Variants in JHY observed in about 807,000 individuals in gnomAD.
JHY encodes junctional cadherin complex regulator.
Under a neutral mutation model 78.0 loss-of-function variants are expected in JHY, and 69 were observed. The observed-to-expected ratio is 0.88, with a 90% CI of 0.73 to 1.08. JHY has a LOEUF of 1.08. Among genes scored for constraint, JHY ranks in the 50% least tolerant of loss-of-function variants. The pLI is 0.00. For synonymous variants in JHY, 368 were observed against 342.6 expected, an observed-to-expected ratio of 1.07 and a Z score of -0.82; for missense variants, 944 against 927.8, an observed-to-expected ratio of 1.02 and a Z score of -0.23.
chr11:122,961,042 A>T lies in JHY; in HGVS notation c.*1597A>T, dbSNP rs1268241208. 9.5e-7 allele frequency: 1 copy of T among 1,052,598 alleles called. No individual in the cohort carries two copies. Among genetic ancestry groups the T allele is most frequent in the South Asian group, 1.3e-5 (1 of 79,786 alleles). The allele number at this position is 1,052,598 out of a possible 1,614,324, so 65.2% of individuals were successfully genotyped here. A position where few individuals can be genotyped will look rare whatever the true frequency, so the allele number is the denominator to read the frequency against. ...GAGACAATTGCCAAGTGCATTTGGG[A>T]CCTAAAGCTGTTGGCAAAGAAGACT... On this transcript the variant is annotated 3_prime_UTR_variant, in exon 9 of 9. Coordinates refer to ENST00000227349, the MANE Select transcript of JHY (RefSeq NM_024806.4).
intron 3 of JHY, among the ~76,000 whole-genome samples, chr11:122,910,951 C>A (rs1226672224): frequency 6.6e-6 from 1 of 152,072 alleles, no homozygotes; most frequent in Non-Finnish European, 1.5e-5. Context: ...AGCGAGGAAC[C>A]GATGTAAAAA....
rs1426671277 is a variant in JHY, at chr11:122,904,398, A to G, written c.818A>G (p.Tyr273Cys). 6.2e-7 allele frequency: 1 copy of G among 1,614,006 alleles called. No individual in the cohort carries two copies. Among genetic ancestry groups the G allele is most frequent in the Non-Finnish European group, 8.5e-7 (1 of 1,179,904 alleles). Residue 273 changes from tyrosine to cysteine, a missense_variant, in exon 3 of 9, where the codon TAT (tyrosine) becomes TGT (cysteine). Physicochemically the swap from Tyr to Cys is radical, Grantham distance 194 (BLOSUM62 -2). Transcript: ENST00000227349. ...TTACCCACCCCGAAAACGGACTCTT[A>G]TCTTCAACTTCACAATAAAAAAAGA... is the stretch of plus-strand genomic sequence containing the variant. ...LGLPTPKTDS[Y>C]LQLHNKKRGE...
Position 122,886,083 on chromosome 11 carries a change from A to C in JHY, c.234A>C (p.Glu78Asp). The C allele has an allele frequency of 6.2e-7, 1 of 1,614,168 alleles. No individual in the cohort carries two copies. Among genetic ancestry groups the C allele is most frequent in the South Asian group, 1.1e-5 (1 of 91,078 alleles). ...GMEPDSLDEE[E>D]SPRWGSLHEM... ...AGCCCGACAGCTTAGACGAGGAGGAAAGCCCTCGATGGGGAAGCCTGCACG... is the reference window on the plus strand; with the variant it reads ...AGCCCGACAGCTTAGACGAGGAGGACAGCCCTCGATGGGGAAGCCTGCACG... The change falls in exon 2 of 9, where the codon GAA becomes GAC. Residue 78 changes from glutamate (E) to aspartate (D), a missense_variant. Glu to Asp is a conservative substitution (Grantham distance 45). Coordinates refer to ENST00000227349, the MANE Select transcript of JHY (RefSeq NM_024806.4).
intron 3 of JHY, among the ~76,000 whole-genome samples, chr11:122,916,222 G>A (rs1378308535): frequency 6.6e-6 from 1 of 152,054 alleles, no homozygotes; most frequent in African/African-American, 2.4e-5. Context: ...ATAAATACTC[G>A]AGGTGATGGA....
At chr11:122,894,885 C>T (rs557356898) in intron 2 of JHY, among the ~76,000 whole-genome samples, 2 of 152,282 alleles carry the variant, frequency 1.3e-5, no homozygotes, top group South Asian at 4.1e-4. Flanking sequence ...TTCATTAAAG[C>T]ATCCTTTTTT....
chr11:122,887,407 C>T (rs1862518378), intron 2 of JHY, among the ~76,000 whole-genome samples: 1 of 152,134 alleles, frequency 6.6e-6, no homozygotes, highest in Admixed American at 6.5e-5. Flanking sequence ...ACTGCAACCT[C>T]CACCTCCCGG....
chr11:122,907,040 A>C (rs1409004214), intron 3 of JHY, among the ~76,000 whole-genome samples: 2 of 152,054 alleles, frequency 1.3e-5, no homozygotes, highest in African/African-American at 4.8e-5. Flanking sequence ...TGTAGTTGCT[A>C]TGCAGGATTC....
intron 4 of JHY, among the ~76,000 whole-genome samples, chr11:122,928,832 T>G (rs1016130853): frequency 4.4e-4 from 67 of 152,224 alleles, no homozygotes; most frequent in African/African-American, 1.5e-3. Flanking sequence ...GTATTTTTAG[T>G]AGAGACGGGG....
intron 5 of JHY, among the ~76,000 whole-genome samples, chr11:122,945,779 G>A (rs1239587430): frequency 3.9e-5 from 6 of 152,210 alleles, no homozygotes; most frequent in African/African-American, 1.4e-4. Context: ...TTGTCCTATA[G>A]ATATTCACAA....
intron 6 of JHY, among the ~76,000 whole-genome samples, chr11:122,950,695 C>T (rs1787772834): frequency 6.6e-6 from 1 of 152,184 alleles, no homozygotes; most frequent in South Asian, 2.1e-4. Flanking sequence ...AAGAAGACAT[C>T]AACTAAATGT....
intron 4 of JHY, among the ~76,000 whole-genome samples, chr11:122,928,239 G>A (rs983801099): frequency 1.3e-5 from 2 of 152,132 alleles, no homozygotes; most frequent in African/African-American, 4.8e-5. Context: ...AGGACTGCTA[G>A]AGGCCAGGAA....
At chr11:122,890,677 CTAATA>C (rs1862595242) in intron 2 of JHY, among the ~76,000 whole-genome samples, 1 of 152,174 alleles carries the variant, frequency 6.6e-6, no homozygotes, top group African/African-American at 2.4e-5. Context: ...TAAATACAAT[CTAATA>C]TGTTTCAAAA....
At chr11:122,955,734 T>A (rs1864177634) in intron 6 of JHY, among the ~76,000 whole-genome samples, 1 of 152,156 alleles carries the variant, frequency 6.6e-6, no homozygotes, top group Non-Finnish European at 1.5e-5. Context: ...ATAAATAGAT[T>A]ATCATTGTTT....
chr11:122,936,851 A>G (rs1835815417), intron 5 of JHY, among the ~76,000 whole-genome samples: 2 of 152,218 alleles, frequency 1.3e-5, no homozygotes, highest in Admixed American at 1.3e-4. Flanking sequence ...GTGGATTATC[A>G]AGAAAATACC....
chr11:122,956,677 A>G (rs1864198867), intron 7 of JHY, 101 bp downstream of exon 7: 1 of 916,738 alleles, frequency 1.1e-6, no homozygotes, highest in African/African-American at 1.7e-5. Context: ...CCTAATTCAA[A>G]TGTCTCACTC....
chr11:122,910,329 G>A (rs1469684071), intron 3 of JHY, among the ~76,000 whole-genome samples: 1 of 152,004 alleles, frequency 6.6e-6, no homozygotes, highest in Non-Finnish European at 1.5e-5. Context: ...ACAAAAATTA[G>A]CCGGGCATCG....
chr11:122,960,002 G>A lies in JHY; in HGVS notation c.*557G>A, dbSNP rs1864278452. Among the ~76,000 whole-genome samples, 1 of 152,204 alleles carries A rather than the reference G, an allele frequency of 6.6e-6. No homozygotes were observed. The highest frequency in any genetic ancestry group is 1.5e-5 in the Non-Finnish European group (1 of 68,040). On this transcript the variant is annotated 3_prime_UTR_variant, in exon 9 of 9. Coordinates refer to ENST00000227349, the MANE Select transcript of JHY (RefSeq NM_024806.4). ...TAATCCCAGCACTTTGGGAAGCTGAGGCAGTTGAATAGCTTGAGGCCAGGA... is the reference window on the plus strand; with the variant it reads ...TAATCCCAGCACTTTGGGAAGCTGAAGCAGTTGAATAGCTTGAGGCCAGGA...
At chr11:122,955,614 T>C (rs1400357004) in intron 6 of JHY, among the ~76,000 whole-genome samples, 1 of 152,234 alleles carries the variant, frequency 6.6e-6, no homozygotes, top group African/African-American at 2.4e-5. Context: ...AGTTGTCATA[T>C]TCAATTCTAT....
chr11:122,939,488 C>G (rs1863827877), intron 5 of JHY, among the ~76,000 whole-genome samples: 1 of 152,148 alleles, frequency 6.6e-6, no homozygotes, highest in Admixed American at 6.5e-5. Context: ...ACCATCTGTT[C>G]TCTGCTTCCG....
Sources: allele counts gnomAD v4.1 joint callset (sites outside exome capture counted in the v4.1 genomes callset), GRCh38; gene constraint gnomAD v4.1.1; transcripts MANE v1.5; gene names NCBI Gene and HGNC (gene_info 2026-07-23, HGNC 2026-07-21).